FKBP1B: variants seen among roughly 807,000 people sequenced by gnomAD.
The protein encoded by FKBP1B is peptidyl-prolyl cis-trans isomerase FKBP1B.
Under a neutral mutation model 13.5 loss-of-function variants are expected in FKBP1B, and 4 were observed. The observed-to-expected ratio is 0.30, with a 90% CI of 0.15 to 0.68. FKBP1B has a LOEUF of 0.68. Among genes scored for constraint, FKBP1B ranks in the 30% least tolerant of loss-of-function variants. The pLI, the probability that FKBP1B is intolerant of heterozygous loss-of-function variation, is 0.76. For synonymous variants in FKBP1B, 54 were observed against 53.6 expected, an observed-to-expected ratio of 1.01 and a Z score of -0.03; for missense variants, 93 against 136.2, an observed-to-expected ratio of 0.68 and a Z score of 1.58.
At chr2:24,061,559 G>A (rs187113569) in intron 3 of FKBP1B, among the ~76,000 whole-genome samples, 63 of 152,194 alleles carry the variant, frequency 4.1e-4, no homozygotes, top group African/African-American at 1.4e-3. Context: ...TCGTTTTTTC[G>A]CTTTTTTGAA....
At chr2:24,060,778 C>A (rs1664354040) in intron 2 of FKBP1B, 36 bp from the exon 3 acceptor site, 8 of 1,513,154 alleles carry the variant, frequency 5.3e-6, no homozygotes, top group Non-Finnish European at 7.3e-6. Context: ...TTACTCATGA[C>A]CACAGCTCTA....
rs564280002 is a variant in FKBP1B, at chr2:24,062,117, C to T, written c.199-947C>T. Among the ~76,000 whole-genome samples, 15 of 152,124 alleles carry T rather than the reference C, an allele frequency of 9.9e-5. No individual in the cohort carries two copies. The South Asian group carries it at 2.7e-3, about 27-fold the overall frequency. On this transcript the variant is annotated intron_variant, in intron 3 of 3. Coordinates refer to ENST00000380986, the MANE Select transcript of FKBP1B (RefSeq NM_004116.5). Reference sequence around the variant, plus strand: ...CGGTCTCCTGACCTCGTGATCTGCCCGCCTCAGCCTCCCAAAGTGGTGCGA... The same window carrying T: ...CGGTCTCCTGACCTCGTGATCTGCCTGCCTCAGCCTCCCAAAGTGGTGCGA...
At chr2:24,053,284 A>G (rs1459298516) in intron 1 of FKBP1B, among the ~76,000 whole-genome samples, 1 of 143,984 alleles carries the variant, frequency 6.9e-6, no homozygotes, top group African/African-American at 2.7e-5. Context: ...GCTAATTGAA[A>G]AGATTTTTTT....
At position 24,063,468 on chromosome 2, in the gene FKBP1B, A is replaced by G; in HGVS notation, c.*276A>G. The G allele has an allele frequency of 5.4e-6, 2 of 367,578 alleles. No individual in the cohort carries two copies. The highest frequency in any genetic ancestry group is 4.9e-6 in the Non-Finnish European group (1 of 205,026). 22.8% of individuals were successfully genotyped at this position (367,578 alleles called of 1,614,324 possible). ...GTAGCCTTTCCTGATGACAGAACACAGATCTCTTGTTCGCACAATCTACAC... is the reference window on the plus strand; with the variant it reads ...GTAGCCTTTCCTGATGACAGAACACGGATCTCTTGTTCGCACAATCTACAC... On this transcript the variant is annotated 3_prime_UTR_variant, in exon 4 of 4. Transcript: ENST00000380986.
intron 1 of FKBP1B, among the ~76,000 whole-genome samples, chr2:24,051,763 C>G (rs1012789564): frequency 3.9e-5 from 6 of 152,116 alleles, no homozygotes; most frequent in Non-Finnish European, 8.8e-5. Context: ...TGATGTTTTC[C>G]TTGACTTCTG....
chr2:24,048,991 G>A (rs2150958186), upstream of FKBP1B, among the ~76,000 whole-genome samples: 1 of 152,224 alleles, frequency 6.6e-6, no homozygotes, highest in Non-Finnish European at 1.5e-5. Context: ...GAGAACAGGG[G>A]TTTAGGGGTA....
chr2:24,045,399 C>T (rs1294859051), upstream of FKBP1B, among the ~76,000 whole-genome samples: 3 of 151,624 alleles, frequency 2.0e-5, no homozygotes, highest in Non-Finnish European at 2.9e-5. Context: ...GTCAGGAGTT[C>T]GACACCACCC....
intron 1 of FKBP1B, among the ~76,000 whole-genome samples, chr2:24,052,518 G>A (rs1011648821): frequency 6.6e-6 from 1 of 152,126 alleles, no homozygotes; most frequent in African/African-American, 2.4e-5. Flanking sequence ...GCTCCAGGGG[G>A]CACCTTCTCC....
chr2:24,051,153 T>C (rs989475999), intron 1 of FKBP1B, among the ~76,000 whole-genome samples: 1 of 151,846 alleles, frequency 6.6e-6, no homozygotes, highest in South Asian at 2.1e-4. Context: ...GACCAACATG[T>C]TGAAACCCCG....
intron 2 of FKBP1B, among the ~76,000 whole-genome samples, chr2:24,056,288 CT>C (rs1433367301): frequency 6.6e-6 from 1 of 151,758 alleles, no homozygotes; most frequent in East Asian, 1.9e-4. Context: ...CCACACCAGG[CT>C]TTGTTTTGGT....
intron 2 of FKBP1B, chr2:24,054,634 A>G (rs1158159877): frequency 6.0e-6 from 1 of 167,006 alleles, no homozygotes; most frequent in African/African-American, 2.4e-5. Flanking sequence ...CCTAGGACAT[A>G]CTCGGATGGG....
the FKBP1B span, among the ~76,000 whole-genome samples, chr2:24,043,823 C>T: frequency 6.6e-6 from 1 of 151,954 alleles, no homozygotes; most frequent in Non-Finnish European, 1.5e-5. Context: ...TGGTGATTTG[C>T]TTATCTGTAA....
chr2:24,040,811 G>T, the FKBP1B span, among the ~76,000 whole-genome samples: 482 of 152,246 alleles, frequency 3.2e-3, 1 homozygote, highest in African/African-American at 0.011. Context: ...GAGGTTGGGA[G>T]TTCGATCCCA....
In FKBP1B at chr2:24,049,787, C is replaced by T. The variant is rs111634163; in HGVS notation, c.-63C>T. ...GCCGGAGCGACGGCGGGGCTGGGGC[C>T]GGAGCCGAGCCGGGGTCGGGCAGCA... On this transcript the variant is annotated 5_prime_UTR_variant, in exon 1 of 4. Coordinates refer to ENST00000380986, the MANE Select transcript of FKBP1B (RefSeq NM_004116.5). 0.14 allele frequency: 176,737 copies of T among 1,284,132 alleles called. 13,086 individuals carry two copies. The highest frequency in any genetic ancestry group is 0.18 in the South Asian group (8,286 of 46,980). 79.5% of individuals were successfully genotyped at this position (1,284,132 alleles called of 1,614,324 possible).
At chr2:24,058,366 T>A (rs1664233895) in intron 2 of FKBP1B, among the ~76,000 whole-genome samples, 1 of 152,152 alleles carries the variant, frequency 6.6e-6, no homozygotes, top group African/African-American at 2.4e-5. Context: ...TTTTTCCCCA[T>A]ATGAATATAC....
At chr2:24,035,342 A>G in the FKBP1B span, among the ~76,000 whole-genome samples, 1 of 130,516 alleles carries the variant, frequency 7.7e-6, no homozygotes, top group Non-Finnish European at 1.7e-5. Context: ...AGGGGAAATA[A>G]AAATACATAA....
chr2:24,041,709 T>C, the FKBP1B span, among the ~76,000 whole-genome samples: 5 of 150,674 alleles, frequency 3.3e-5, no homozygotes, highest in African/African-American at 4.9e-5. Flanking sequence ...AAAAATTAGC[T>C]GGGCTCGGTG....
chr2:24,051,236 G>A (rs1411179226), intron 1 of FKBP1B, among the ~76,000 whole-genome samples: 4 of 151,926 alleles, frequency 2.6e-5, no homozygotes, highest in Non-Finnish European at 5.9e-5. Context: ...CGGGAGGCTG[G>A]GGCAGGAGAA....
chr2:24,038,474 C>A, the FKBP1B span: 23 of 1,614,080 alleles, frequency 1.4e-5, no homozygotes, highest in Non-Finnish European at 1.9e-5. Flanking sequence ...AGATCAGGAA[C>A]CAGAATGCCT....
Sources: gnomAD v4.1 joint callset for allele counts (sites outside exome capture counted in the v4.1 genomes callset) on GRCh38, gnomAD v4.1.1 for gene constraint, MANE v1.5 for transcripts, NCBI Gene and HGNC (gene_info 2026-07-23, HGNC 2026-07-21) for gene names.